The following PRSS55 variants were observed in gnomAD, a reference collection of about 807,000 sequenced individuals.
PRSS55 encodes the protein serine protease 55, also known as probable serine protease UNQ9391/PRO34284.
In PRSS55, 41 loss-of-function variants were observed where a neutral mutation model predicts 23.6. The ratio of observed to expected loss-of-function variants is 1.74; its 90% CI spans 1.35 to 2.26. The LOEUF is 2.26. PRSS55 is among the 30% of genes most tolerant of loss of function. PRSS55 has a pLI of 0.00. For synonymous variants in PRSS55, 262 were observed against 175.5 expected (o/e 1.49, Z -3.90); for missense variants, 669 against 439.1 (o/e 1.52, Z -4.68).
At chr8:10,545,130 T>G (rs1812784176) in intron 4 of PRSS55, 1 of 306,264 alleles carries the variant, frequency 3.3e-6, no homozygotes, top group African/African-American at 2.3e-5. Context: ...ACCAATACTT[T>G]CATAAAACAT....
chr8:10,530,539 G>A (rs1167054577), intron 2 of PRSS55, among the ~76,000 whole-genome samples: 1 of 152,052 alleles, frequency 6.6e-6, no homozygotes, highest in African/African-American at 2.4e-5. Context: ...CCTGAAGCAG[G>A]TAGAATGAAT....
chr8:10,534,368 T>G (rs529503212), intron 4 of PRSS55, among the ~76,000 whole-genome samples: 1 of 152,218 alleles, frequency 6.6e-6, no homozygotes, highest in Non-Finnish European at 1.5e-5. Context: ...AAACATTAAC[T>G]GTCCTCCCTG....
At chr8:10,552,106 T>A (rs1812965355) in intron 4 of PRSS55, among the ~76,000 whole-genome samples, 1 of 152,206 alleles carries the variant, frequency 6.6e-6, no homozygotes, top group African/African-American at 2.4e-5. Context: ...GTCTTCATGC[T>A]TAGAATAAAG....
chr8:10,545,010 C>G, intron 4 of PRSS55: 1 of 985,248 alleles, frequency 1.0e-6, no homozygotes, highest in Non-Finnish European at 1.2e-6. Flanking sequence ...GACCCAGCCT[C>G]AACAAACAGG....
In PRSS55 at chr8:10,546,095, T is replaced by A. The variant is rs1357028609; in HGVS notation, c.742-7848T>A. 2.0e-5 allele frequency among the ~76,000 whole-genome samples: 3 copies of A among 152,274 alleles called. No homozygotes were observed. The Middle Eastern group carries it at 0.01, about 518-fold the overall frequency. On this transcript the variant is annotated intron_variant, in intron 4 of 4. Transcript: ENST00000522210. ...CAAAGGCAGGGCTCGGTGTCACTTA[T>A]GCCCAGGGGAACTAGGCTCCCCTGA...
chr8:10,550,697 C>G (rs903534965), intron 4 of PRSS55, among the ~76,000 whole-genome samples: 1 of 152,186 alleles, frequency 6.6e-6, no homozygotes, highest in South Asian at 2.1e-4. Context: ...CTGTGTTACC[C>G]TGCGATGTGT....
intron 4 of PRSS55, among the ~76,000 whole-genome samples, chr8:10,550,313 A>G (rs1353014272): frequency 6.6e-6 from 1 of 152,218 alleles, no homozygotes; most frequent in Non-Finnish European, 1.5e-5. Context: ...TAGAACTCCC[A>G]GCTCCTGAAA....
At chr8:10,553,857 AC>A (rs1813003330) in intron 4 of PRSS55, 2 of 854,002 alleles carry the variant, frequency 2.3e-6, no homozygotes, top group Admixed American at 5.7e-5. Context: ...TAACCATTTC[AC>A]AATGTATACA....
At chr8:10,536,306 A>C (rs1812451043) in intron 4 of PRSS55, among the ~76,000 whole-genome samples, 1 of 152,246 alleles carries the variant, frequency 6.6e-6, no homozygotes. Context: ...AATCAAAGCC[A>C]CAATGAGATA....
At chr8:10,549,589 G>T (rs914366021) in intron 4 of PRSS55, among the ~76,000 whole-genome samples, 2 of 152,172 alleles carry the variant, frequency 1.3e-5, no homozygotes, top group African/African-American at 4.8e-5. Flanking sequence ...AAAGACCCTG[G>T]TTCTAAGATG....
intron 4 of PRSS55, among the ~76,000 whole-genome samples, chr8:10,546,678 A>G (rs1393661033): frequency 6.6e-6 from 1 of 151,944 alleles, no homozygotes; most frequent in African/African-American, 2.4e-5. Context: ...CCTCTTGACA[A>G]ACAAAACAAA....
chr8:10,554,125 C>T, exon 5 of PRSS55: 1 of 759,896 alleles, frequency 1.3e-6, no homozygotes, highest in Non-Finnish European at 2.0e-6. Context: ...AGGGTGTTTT[C>T]TGTCCAAATG....
At chr8:10,539,463 A>G (rs1026704939), downstream of PRSS55, among the ~76,000 whole-genome samples, 2 of 152,170 alleles carry the variant, frequency 1.3e-5, no homozygotes, top group Non-Finnish European at 2.9e-5. Flanking sequence ...CTTAAAGACA[A>G]CAGCTTACTG....
intron 1 of PRSS55, among the ~76,000 whole-genome samples, chr8:10,526,861 G>A (rs183009381): frequency 2.0e-5 from 3 of 152,188 alleles, no homozygotes; most frequent in East Asian, 1.9e-4. Flanking sequence ...ATGAAGAAAG[G>A]GGGGTGGGTA....
chr8:10,538,041 G>T (rs376092767), intron 4 of PRSS55, among the ~76,000 whole-genome samples: 5 of 152,268 alleles, frequency 3.3e-5, no homozygotes, highest in African/African-American at 1.2e-4. Flanking sequence ...CTGTGCTTCT[G>T]CAAGAACACA....
intron 4 of PRSS55, among the ~76,000 whole-genome samples, chr8:10,534,521 G>C (rs747240267): frequency 1.3e-5 from 2 of 151,820 alleles, no homozygotes; most frequent in Non-Finnish European, 2.9e-5. Flanking sequence ...CAAAGGTAGG[G>C]AGGGCATGGA....
chr8:10,526,665 G>C (rs1033916925), intron 1 of PRSS55, among the ~76,000 whole-genome samples: 1 of 152,192 alleles, frequency 6.6e-6, no homozygotes, highest in Admixed American at 6.5e-5. Context: ...GTTGTGGGTT[G>C]ATCTCAGGAC....
chr8:10,531,147 A>C (rs1472875934), intron 2 of PRSS55, 148 bp from the exon 3 acceptor site: 6 of 987,458 alleles, frequency 6.1e-6, no homozygotes. Flanking sequence ...ACCTTTTTCC[A>C]ATCCTCACAC....
At position 10,529,791 on chromosome 8, in the gene PRSS55, C is replaced by T. The variant is rs192649771; in HGVS notation, c.347+92C>T. The T allele has an allele frequency of 3.2e-6, 4 of 1,243,298 alleles. No homozygotes were observed. The East Asian group carries it at 9.3e-5, about 29-fold the overall frequency. The allele number at this position is 1,243,298 out of a possible 1,614,324, so 77.0% of individuals were successfully genotyped here. A position where few individuals can be genotyped will look rare whatever the true frequency, so the allele number is the denominator to read the frequency against. The stretch of plus-strand genomic sequence containing the variant: ...CCCACACCTGGTGGCTGAGAGGAAC[C>T]TGCGACTGCTCGGTATCCAGTCGGC... On this transcript the variant is annotated intron_variant, in intron 2 of 4. Transcript: ENST00000328655.
Sources: gnomAD v4.1 joint callset for allele counts (sites outside exome capture counted in the v4.1 genomes callset) on GRCh38, gnomAD v4.1.1 for gene constraint, MANE v1.5 for transcripts, NCBI Gene and HGNC (gene_info 2026-07-23, HGNC 2026-07-21) for gene names.